Variants in CTCFL observed in about 807,000 individuals in gnomAD.
The protein encoded by CTCFL is CCCTC-binding factor like.
In CTCFL, 36 loss-of-function variants were observed where a neutral mutation model predicts 67.4. That is an observed-to-expected ratio of 0.53 (90% CI 0.41 to 0.71). The LOEUF (loss-of-function observed/expected upper bound fraction) is 0.71. Among genes scored for constraint, CTCFL ranks in the 30% least tolerant of loss-of-function variants. The pLI is 0.00. For synonymous variants in CTCFL, 324 were observed against 302.3 expected, an observed-to-expected ratio of 1.07 and a Z score of -0.75; for missense variants, 786 against 835.2, an observed-to-expected ratio of 0.94 and a Z score of 0.73.
At chr20:57,504,911 C>T (rs558845267) in intron 9 of CTCFL, among the ~76,000 whole-genome samples, 26 of 152,068 alleles carry the variant, frequency 1.7e-4, no homozygotes, top group Middle Eastern at 3.4e-3. Context: ...ATCCTCCATG[C>T]GCTGATTTAT....
At chr20:57,518,507 C>T in intron 5 of CTCFL, 1 of 1,403,564 alleles carries the variant, frequency 7.1e-7, no homozygotes. Flanking sequence ...ATTTCTTGAC[C>T]ACAGATGGTT....
At chr20:57,496,239 C>T (rs1333993611), downstream of CTCFL, 20 of 642,256 alleles carry the variant, frequency 3.1e-5, no homozygotes, top group Middle Eastern at 2.5e-4. Flanking sequence ...CCCCCTCTCT[C>T]GCTCCTGCTT....
chr20:57,499,153 T>C (rs1459855444), intron 10 of CTCFL, among the ~76,000 whole-genome samples: 1 of 150,776 alleles, frequency 6.6e-6, no homozygotes, highest in East Asian at 2.0e-4. Flanking sequence ...TACAGATTTA[T>C]ATCGAGGCGG....
In CTCFL at chr20:57,498,448, T is replaced by A. The variant is rs755021961; in HGVS notation, c.*102A>T. The stretch of plus-strand genomic sequence containing the variant: ...AGTGAACATGCAACCTGACTCTCTC[T>A]CACTTATCCATCGTGTTGAGGAGCA... On this transcript the variant is annotated 3_prime_UTR_variant, in exon 11 of 11. Transcript: ENST00000243914. The A allele has an allele frequency of 3.6e-4, 541 of 1,493,526 alleles. No homozygotes were observed. The highest frequency in any genetic ancestry group is 4.7e-4 in the Non-Finnish European group (521 of 1,120,368). 92.5% of individuals were successfully genotyped at this position (1,493,526 alleles called of 1,614,324 possible). A position where few individuals can be genotyped will look rare whatever the true frequency, so the allele number is the denominator to read the frequency against.
intron 8 of CTCFL, among the ~76,000 whole-genome samples, chr20:57,511,104 T>G (rs145408965): frequency 6.6e-6 from 1 of 152,242 alleles, no homozygotes; most frequent in Non-Finnish European, 1.5e-5. Flanking sequence ...TGCAGTGGTA[T>G]GAACACAGCC....
chr20:57,524,480 G>A (rs969669137), intron 1 of CTCFL: 10 of 1,268,902 alleles, frequency 7.9e-6, no homozygotes, highest in Non-Finnish European at 1.0e-5. Flanking sequence ...CTTAGGGCCA[G>A]CACACATCCT....
rs150085638 is a variant in CTCFL, at chr20:57,502,926, G to A, written c.1840+510C>T. Reference sequence around the variant, plus strand: ...AGAGAAGGCCCACACACAGAAGAGAGGAGAGAGCTAGGAAAAGACAGAGGC... The same window carrying A: ...AGAGAAGGCCCACACACAGAAGAGAAGAGAGAGCTAGGAAAAGACAGAGGC... On this transcript the variant is annotated intron_variant, in intron 10 of 10. Transcript: ENST00000243914. Among the ~76,000 whole-genome samples the A allele has an allele frequency of 5.5e-3, 838 of 152,318 alleles. 3 individuals carry two copies. Among genetic ancestry groups the A allele is most frequent in the South Asian group, 0.026 (124 of 4,822 alleles).
At chr20:57,508,544 C>T in intron 9 of CTCFL, 62 bp downstream of exon 9, 1 of 1,512,804 alleles carries the variant, frequency 6.6e-7, no homozygotes, top group South Asian at 1.2e-5. Flanking sequence ...TGGTGTGACA[C>T]TGTCCTCCTG....
intron 7 of CTCFL, chr20:57,513,155 T>G: frequency 9.5e-5 from 68 of 718,578 alleles, no homozygotes; most frequent in Non-Finnish European, 1.0e-4. Context: ...CAAAGCACTT[T>G]GAGAACTATT....
intron 5 of CTCFL, among the ~76,000 whole-genome samples, chr20:57,517,270 G>T (rs1339295643): frequency 6.6e-6 from 1 of 151,654 alleles, no homozygotes; most frequent in Admixed American, 6.6e-5. Context: ...GGAGGACAAT[G>T]GGAGTTCAAA....
At chr20:57,517,021 C>T (rs973711696) in intron 5 of CTCFL, among the ~76,000 whole-genome samples, 1 of 152,074 alleles carries the variant, frequency 6.6e-6, no homozygotes, top group Non-Finnish European at 1.5e-5. Flanking sequence ...GTGATGAGCG[C>T]ACAGAAGCCT....
At chr20:57,516,030 ATG>A (rs1184828744) in intron 5 of CTCFL, among the ~76,000 whole-genome samples, 196 bp from the exon 6 acceptor site, 1 of 152,050 alleles carries the variant, frequency 6.6e-6, no homozygotes, top group Non-Finnish European at 1.5e-5. Context: ...ATCTCATTTG[ATG>A]TGTGTGTGTA....
chr20:57,506,501 A>G (rs2068216057), intron 9 of CTCFL, among the ~76,000 whole-genome samples: 1 of 152,120 alleles, frequency 6.6e-6, no homozygotes, highest in Non-Finnish European at 1.5e-5. Flanking sequence ...ATGGGGTTTC[A>G]TCATTTTGGC....
rs575410032 is a variant in CTCFL, at chr20:57,498,663, G to C, written c.1879C>G (p.Gln627Glu). ...ACAGGAAACATCTCTCCTGGGAACT[G>C]TTCTCCCTTCGTGGTGGAAGCCTCC... ...AEEASTTKGE[Q>E]FPGEMFPVAC... Residue 627 changes from glutamine to glutamate, a missense_variant, in exon 11 of 11, where the codon CAG becomes GAG. Gln to Glu is a conservative substitution (Grantham distance 29). Transcript: ENST00000243914. 12 of 1,614,020 alleles carry C rather than the reference G, an allele frequency of 7.4e-6. No individual in the cohort carries two copies. Among genetic ancestry groups the C allele is most frequent in the Middle Eastern group, 1.6e-4 (1 of 6,062 alleles).
Position 57,523,758 on chromosome 20 carries a change from C to G in CTCFL, c.448G>C (p.Val150Leu). 1 of 1,613,418 alleles carries G rather than the reference C, an allele frequency of 6.2e-7. No individual in the cohort carries two copies. The highest frequency in any genetic ancestry group is 8.5e-7 in the Non-Finnish European group (1 of 1,180,038). The change falls in exon 2 of 11, where the codon GTG (valine) becomes CTG (leucine). Residue 150 changes from valine to leucine, a missense_variant. Transcript: ENST00000243914. ...TCCTCTAGAGCGTGGAACTGCAACA[C>G]CTCCATCTCTTGCGGGGAGTACAGC... ...QELYSPQEME[V>L]LQFHALEENV...
chr20:57,517,731 G>C (rs2069031036), intron 5 of CTCFL, among the ~76,000 whole-genome samples: 2 of 152,080 alleles, frequency 1.3e-5, no homozygotes, highest in Admixed American at 6.6e-5. Context: ...CAGCAATAGA[G>C]ACCCCTGTGC....
chr20:57,519,270 G>T lies in CTCFL; in HGVS notation c.862C>A (p.His288Asn). 6.2e-7 allele frequency: 1 copy of T among 1,614,168 alleles called. No homozygotes were observed. The highest frequency in any genetic ancestry group is 8.5e-7 in the Non-Finnish European group (1 of 1,180,032). ...GTACGGAAGGTTTTCAGGCAGAGGT[G>T]ACACAGGTGAGGCTTCTCACTGGTG... ...THTSEKPHLCHLCLKTFRTVT... is the reference protein window; with the variant it reads ...THTSEKPHLCNLCLKTFRTVT... The change falls in exon 4 of 11, where the codon CAC becomes AAC. Residue 288 changes from histidine to asparagine, a missense_variant. By Grantham distance (68) the His-to-Asn change is moderately conservative (BLOSUM62 1). This residue lies in a region of CTCFL where 254 missense variants were observed against 333.9 expected (regional missense o/e 0.76). Coordinates refer to ENST00000243914, the MANE Select transcript of CTCFL (RefSeq NM_001386993.1).
At chr20:57,504,256 A>G (rs6099661) in intron 9 of CTCFL, among the ~76,000 whole-genome samples, 2,331 of 147,068 alleles carry the variant, frequency 0.016, 54 homozygotes, top group South Asian at 0.023. Context: ...GATTACAGGC[A>G]TGAGCCACTG....
At chr20:57,503,011 G>C (rs1182545353) in intron 10 of CTCFL, among the ~76,000 whole-genome samples, 1 of 152,192 alleles carries the variant, frequency 6.6e-6, no homozygotes. Context: ...GTTGCAAGAG[G>C]CTAGGAGGGA....
Sources: allele counts gnomAD v4.1 joint callset (sites outside exome capture counted in the v4.1 genomes callset), GRCh38; gene constraint gnomAD v4.1.1; regional missense constraint gnomAD v4.1.1; transcripts MANE v1.5; gene names NCBI Gene and HGNC (gene_info 2026-07-23, HGNC 2026-07-21).